The following TYW1 variants were observed in gnomAD, a reference collection of about 807,000 sequenced individuals.
TYW1 encodes S-adenosyl-L-methionine-dependent tRNA 4-demethylwyosine synthase TYW1.
A neutral mutation model predicts 96.2 loss-of-function variants in TYW1; 46 were observed. That is an observed-to-expected ratio of 0.48 (90% confidence interval 0.38 to 0.61). The LOEUF (loss-of-function observed/expected upper bound fraction) is 0.61. TYW1 is among the 20% of genes least tolerant of loss of function. The pLI is 0.00. For synonymous variants in TYW1, 274 were observed against 323.0 expected (o/e 0.85, Z 1.63); for missense variants, 684 against 909.6 (o/e 0.75, Z 3.19).
At chr7:66,997,026 G>C (rs771941483) in intron 1 of TYW1, 44 bp downstream of exon 1, 2 of 1,612,828 alleles carry the variant, frequency 1.2e-6, no homozygotes, top group Non-Finnish European at 1.7e-6. Context: ...GGCAGGGGAG[G>C]TAAACGTTTT....
intron 13 of TYW1, among the ~76,000 whole-genome samples, chr7:67,173,710 C>T (rs890274263): frequency 6.7e-6 from 1 of 148,362 alleles, no homozygotes. Context: ...TGCTTTGTTC[C>T]TGATATTAAT....
intron 15 of TYW1, among the ~76,000 whole-genome samples, chr7:67,203,228 A>C (rs561942408): frequency 2.6e-5 from 4 of 152,372 alleles, no homozygotes; most frequent in African/African-American, 9.6e-5. Flanking sequence ...AGTTTACTCT[A>C]TCTGACGATA....
chr7:67,085,543 A>G (rs1446310164), intron 11 of TYW1, among the ~76,000 whole-genome samples: 1 of 152,176 alleles, frequency 6.6e-6, no homozygotes. Context: ...CTTTTCCTTT[A>G]TAAATTACCC....
At position 67,036,959 on chromosome 7, in the gene TYW1, G is replaced by A. The variant is rs556633101; in HGVS notation, c.984+11937G>A. On this transcript the variant is annotated intron_variant, in intron 7 of 15. Transcript: ENST00000359626. ...AGGAGGGTGTGGGCCCATCCTGGGA[G>A]GGCTGCCAGACCCAGTGGGGCAGAC... Among the ~76,000 whole-genome samples, 11 of 152,320 alleles carry A rather than the reference G, an allele frequency of 7.2e-5. No individual in the cohort carries two copies. In the South Asian group the frequency reaches 2.3e-3, roughly 32 times the overall value.
intron 14 of TYW1, among the ~76,000 whole-genome samples, chr7:67,183,596 G>A (rs1799909747): frequency 6.6e-6 from 1 of 152,082 alleles, no homozygotes; most frequent in Non-Finnish European, 1.5e-5. Flanking sequence ...AGACATATAC[G>A]GAAGTAGAGA....
At chr7:67,025,866 A>T (rs1307126122) in intron 7 of TYW1, among the ~76,000 whole-genome samples, 2 of 148,532 alleles carry the variant, frequency 1.3e-5, no homozygotes, top group South Asian at 2.1e-4. Flanking sequence ...CATAAGCCTT[A>T]AAAAAAAAAG....
At chr7:67,205,120 ATCT>A (rs1323220214) in intron 15 of TYW1, among the ~76,000 whole-genome samples, 2 of 152,020 alleles carry the variant, frequency 1.3e-5, no homozygotes, top group Non-Finnish European at 2.9e-5. Flanking sequence ...TTATTAATAA[ATCT>A]TCTGTCTTAG....
intron 15 of TYW1, among the ~76,000 whole-genome samples, chr7:67,225,621 G>A (rs373512392): frequency 6.6e-6 from 1 of 152,092 alleles, no homozygotes; most frequent in African/African-American, 2.4e-5. Context: ...AGTGACTGTG[G>A]TACATGTGGA....
intron 13 of TYW1, among the ~76,000 whole-genome samples, chr7:67,148,425 A>ATTTTTTTT (rs34723740): frequency 9.1e-6 from 1 of 109,378 alleles, no homozygotes; most frequent in Non-Finnish European, 1.8e-5. Context: ...CTTGAAAGTG[A>ATTTTTTTT]TTTTTTTTTT....
chr7:67,132,588 G>T (rs1382506771), intron 13 of TYW1, among the ~76,000 whole-genome samples: 4 of 152,052 alleles, frequency 2.6e-5, no homozygotes, highest in Non-Finnish European at 4.4e-5. Context: ...ATTTTAAAGT[G>T]TACAGTTCAG....
chr7:67,216,920 G>A (rs74957052), intron 15 of TYW1, among the ~76,000 whole-genome samples: 34,663 of 145,182 alleles, frequency 0.24, 3,230 homozygotes, highest in African/African-American at 0.3. Flanking sequence ...TTATTCATAT[G>A]TAGTGGTCTG....
chr7:67,195,714 G>A (rs1040828665), intron 15 of TYW1, among the ~76,000 whole-genome samples: 1 of 152,008 alleles, frequency 6.6e-6, no homozygotes, highest in African/African-American at 2.4e-5. Flanking sequence ...GCAATATTGT[G>A]GTATCTATCA....
intron 13 of TYW1, among the ~76,000 whole-genome samples, chr7:67,124,956 C>A (rs1797869639): frequency 6.6e-6 from 1 of 152,106 alleles, no homozygotes; most frequent in African/African-American, 2.4e-5. Context: ...TGCCTCAGCT[C>A]CCAAGTAGCT....
intron 13 of TYW1, among the ~76,000 whole-genome samples, chr7:67,139,505 G>T (rs1314180072): frequency 6.6e-6 from 1 of 152,082 alleles, no homozygotes; most frequent in East Asian, 1.9e-4. Context: ...GTCAGTATCT[G>T]CAGGGGATTG....
At position 67,098,718 on chromosome 7, in the gene TYW1, G is replaced by A. The variant is rs1214001751; in HGVS notation, c.1562G>A (p.Arg521Lys). 6.2e-7 allele frequency: 1 copy of A among 1,612,940 alleles called. No individual in the cohort carries two copies. Among genetic ancestry groups the A allele is most frequent in the Admixed American group, 1.7e-5 (1 of 59,896 alleles). Residue 521 changes from arginine (R) to lysine (K), a missense_variant and splice_region_variant, in exon 12 of 16, where the codon AGG becomes AAG. Arg to Lys is a conservative substitution (Grantham distance 26, BLOSUM62 2). Transcript: ENST00000359626. ...VTNAQFPAEI[R>K]NLEPVTQLYV... ...AACGCACAATTTCCTGCGGAAATCA[G>A]GTGAGTTCTCCAGCCTATGGAGAGA...
chr7:67,098,027 A>T (rs537430370), intron 11 of TYW1, among the ~76,000 whole-genome samples: 13 of 152,222 alleles, frequency 8.5e-5, no homozygotes, highest in African/African-American at 2.9e-4. Context: ...GAAGCTCCTC[A>T]GGTGATTCCA....
At chr7:67,226,051 C>G (rs112799764) in intron 15 of TYW1, among the ~76,000 whole-genome samples, 2 of 150,696 alleles carry the variant, frequency 1.3e-5, no homozygotes, top group African/African-American at 4.9e-5. Flanking sequence ...GGGAAGTTCA[C>G]AAGATACCAC....
intron 10 of TYW1, among the ~76,000 whole-genome samples, chr7:67,077,523 A>G (rs1796244449): frequency 2.6e-5 from 4 of 152,216 alleles, no homozygotes; most frequent in Admixed American, 2.6e-4. Context: ...TCTGTTGGCT[A>G]CTTGTATATG....
At chr7:67,133,344 A>G (rs979721577) in intron 13 of TYW1, among the ~76,000 whole-genome samples, 4 of 151,848 alleles carry the variant, frequency 2.6e-5, no homozygotes, top group Admixed American at 6.6e-5. Context: ...GAGTCTCACT[A>G]TGTTGCCCAG....
Sources: gnomAD v4.1 joint callset for allele counts (sites outside exome capture counted in the v4.1 genomes callset) on GRCh38, gnomAD v4.1.1 for gene constraint, MANE v1.5 for transcripts, NCBI Gene and HGNC (gene_info 2026-07-23, HGNC 2026-07-21) for gene names.